EYS: variants seen among roughly 807,000 people sequenced by gnomAD.
EYS encodes the protein EGF-like photoreceptor maintenance factor.
EYS carries 250 observed loss-of-function variants against 282.1 expected under a neutral mutation model. That is an observed-to-expected ratio of 0.89 (90% CI 0.80 to 0.98). The LOEUF is 0.98. Among genes scored for constraint, EYS ranks in the 50% least tolerant of loss-of-function variants. EYS has a pLI of 0.00. For synonymous variants in EYS, 1,355 were observed against 1,282.9 expected, an observed-to-expected ratio of 1.06 and a Z score of -1.20; for missense variants, 4,016 against 3,709.0, an observed-to-expected ratio of 1.08 and a Z score of -2.15.
chr6:65,569,181 C>A (rs9345653), intron 2 of EYS, among the ~76,000 whole-genome samples: 26,381 of 152,040 alleles, frequency 0.17, 2,853 homozygotes, highest in Middle Eastern at 0.34. Context: ...TGGCTCATCC[C>A]GGCTCAAAAG....
At chr6:63,739,559 C>T (rs1256682379) in intron 41 of EYS, among the ~76,000 whole-genome samples, 1 of 152,080 alleles carries the variant, frequency 6.6e-6, no homozygotes, top group East Asian at 1.9e-4. Context: ...GGCAATATTC[C>T]CAAAAGTTGA....
chr6:64,999,969 G>A (rs1483100252), intron 13 of EYS, among the ~76,000 whole-genome samples: 1 of 152,150 alleles, frequency 6.6e-6, no homozygotes, highest in Non-Finnish European at 1.5e-5. Flanking sequence ...GGTACACCAA[G>A]GCAAGAACCC....
At chr6:64,262,399 T>C (rs918099932) in intron 30 of EYS, among the ~76,000 whole-genome samples, 2 of 151,742 alleles carry the variant, frequency 1.3e-5, no homozygotes, top group Non-Finnish European at 2.9e-5. Context: ...TTTGTATTTT[T>C]ATAATTATAT....
chr6:64,583,159 G>GTCTACATCTTACTTGTAGGGTGGACATCT (rs1405227520), intron 26 of EYS, among the ~76,000 whole-genome samples: 2 of 152,108 alleles, frequency 1.3e-5, no homozygotes, highest in African/African-American at 4.8e-5. Flanking sequence ...GGTTGGAAGT[G>GTCTACATCTTACTTGTAGGGTGGACATCT]TCTACATCTT....
chr6:64,256,982 C>A (rs1175575951), intron 30 of EYS, among the ~76,000 whole-genome samples: 1 of 152,038 alleles, frequency 6.6e-6, no homozygotes, highest in Admixed American at 6.6e-5. Flanking sequence ...TTGTTTCTTG[C>A]AGGTCATTTC....
rs368458853 is a variant in EYS at position 64,081,880 on chromosome 6, T to C, written c.6547A>G (p.Ser2183Gly). ...CTGTAAAGAATAGTTCCATTTAAAC[T>C]GTTTGTTTTTATAGTCAAGTAGATG... ...VTIYLTIKTN[S>G]LNGTILYSNG... The change falls in exon 32 of 43, where the codon AGT becomes GGT. Residue 2183 changes from serine to glycine, a missense_variant. By Grantham distance (56) the Ser-to-Gly change is moderately conservative (BLOSUM62 0). Coordinates refer to ENST00000503581, the MANE Select transcript of EYS (RefSeq NM_001142800.2). The C allele has an allele frequency of 2.4e-4, 371 of 1,539,402 alleles. No individual in the cohort carries two copies. The African/African-American group carries it at 4.3e-3, about 18-fold the overall frequency.
At chr6:64,118,864 ATAATC>A (rs1773477513) in intron 31 of EYS, among the ~76,000 whole-genome samples, 1 of 152,152 alleles carries the variant, frequency 6.6e-6, no homozygotes, top group African/African-American at 2.4e-5. Context: ...ACAGATAATA[ATAATC>A]TAATTTTAAA....
chr6:65,344,128 C>G lies in EYS; in HGVS notation c.1509G>C (p.Leu503=), dbSNP rs1639573129. Residue 503 remains leucine, a synonymous_variant, in exon 10 of 43, where the codon CTG becomes CTC. Transcript: ENST00000503581. ...TTGCATCTTCAGTGCAGTTTGCAGC[C>G]AGAAAGAAATAGGCATCAATAACCC... ...CQGVIDAYFF[L]AANCTEDATY... 6.2e-7 allele frequency: 1 copy of G among 1,610,320 alleles called. No homozygotes were observed.
At chr6:64,032,814 T>C (rs1238678294) in intron 33 of EYS, among the ~76,000 whole-genome samples, 2 of 152,232 alleles carry the variant, frequency 1.3e-5, no homozygotes, top group African/African-American at 4.8e-5. Flanking sequence ...AACTTTCATG[T>C]CCTTTCTAGC....
chr6:63,952,289 C>G (rs1765629825), intron 35 of EYS, among the ~76,000 whole-genome samples: 1 of 152,212 alleles, frequency 6.6e-6, no homozygotes, highest in African/African-American at 2.4e-5. Flanking sequence ...ATCCAACTCA[C>G]CCGGCAGCCA....
At position 65,057,727 on chromosome 6, in the gene EYS, C is replaced by A; in HGVS notation, c.2024G>T (p.Gly675Val). The A allele has an allele frequency of 5.2e-6, 8 of 1,534,936 alleles. No homozygotes were observed. The highest frequency in any genetic ancestry group is 7.1e-6 in the Non-Finnish European group (8 of 1,133,646). Residue 675 changes from glycine to valine, a missense_variant and splice_region_variant, in exon 13 of 43, where the codon GGT (glycine) becomes GTT (valine). Transcript: ENST00000503581. ...FFRKCVPGFK[G>V]TQCEIDIDEC... ...ATCTATATCAATTTCACATTGCGTA[C>A]CTTTGGAAAATAGGAAAAAAAAATG... is the stretch of plus-strand genomic sequence containing the variant.
intron 34 of EYS, among the ~76,000 whole-genome samples, chr6:63,996,473 G>C (rs1228720760): frequency 6.6e-6 from 1 of 151,918 alleles, no homozygotes; most frequent in Non-Finnish European, 1.5e-5. Flanking sequence ...AGTAATAGTT[G>C]CAATAGAATA....
At chr6:64,549,747 T>G (rs897267070) in intron 26 of EYS, among the ~76,000 whole-genome samples, 1 of 152,048 alleles carries the variant, frequency 6.6e-6, no homozygotes, top group Non-Finnish European at 1.5e-5. Context: ...TTTTTTTTTT[T>G]TTTTATACTT....
At chr6:65,149,367 G>A (rs1249286015) in intron 12 of EYS, among the ~76,000 whole-genome samples, 2 of 152,136 alleles carry the variant, frequency 1.3e-5, no homozygotes, top group Non-Finnish European at 2.9e-5. Flanking sequence ...GGCATAGCAA[G>A]AGTTACCTTT....
At chr6:65,403,723 T>C (rs976810935) in intron 6 of EYS, among the ~76,000 whole-genome samples, 2 of 151,848 alleles carry the variant, frequency 1.3e-5, no homozygotes, top group African/African-American at 4.8e-5. Context: ...AAATAATGAA[T>C]AATAGAGAAG....
chr6:64,428,625 T>C (rs996158805), intron 28 of EYS, among the ~76,000 whole-genome samples: 4 of 152,156 alleles, frequency 2.6e-5, no homozygotes, highest in Admixed American at 6.6e-5. Context: ...TTGTTGAGCC[T>C]CTAAAGGGCA....
intron 31 of EYS, among the ~76,000 whole-genome samples, chr6:64,171,454 A>G (rs1232987202): frequency 1.3e-5 from 2 of 152,176 alleles, no homozygotes; most frequent in Non-Finnish European, 2.9e-5. Flanking sequence ...GTATAAATAC[A>G]TTTCAATTAT....
chr6:65,419,176 G>A (rs758533699), intron 5 of EYS, among the ~76,000 whole-genome samples: 4 of 151,784 alleles, frequency 2.6e-5, no homozygotes, highest in Non-Finnish European at 5.9e-5. Flanking sequence ...ATAACTTACG[G>A]ATGTATAAAC....
chr6:64,681,504 G>A (rs901147909), intron 22 of EYS, among the ~76,000 whole-genome samples: 18 of 152,156 alleles, frequency 1.2e-4, no homozygotes, highest in African/African-American at 4.3e-4. Flanking sequence ...AGGTAGTTAG[G>A]CAGTTAGACA....
Sources: allele counts gnomAD v4.1 joint callset (sites outside exome capture counted in the v4.1 genomes callset), GRCh38; gene constraint gnomAD v4.1.1; transcripts MANE v1.5; gene names NCBI Gene and HGNC (gene_info 2026-07-23, HGNC 2026-07-21).